Variants in COL17A1 observed in about 807,000 individuals in gnomAD.
The protein encoded by COL17A1 is collagen alpha-1(XVII) chain.
Under a neutral mutation model 218.4 loss-of-function variants are expected in COL17A1, and 181 were observed. The ratio of observed to expected loss-of-function variants is 0.83; its 90% CI spans 0.73 to 0.94. The LOEUF (loss-of-function observed/expected upper bound fraction) is 0.94. Ranked by LOEUF, COL17A1 falls within the 40% of genes least tolerant of loss-of-function variation. The pLI, the probability that COL17A1 is intolerant of heterozygous loss-of-function variation, is 0.00. For missense variants in COL17A1, 1,924 were observed against 1,945.9 expected (o/e 0.99, Z 0.21); for synonymous variants, 721 against 731.0 (o/e 0.99, Z 0.22).
chr10:104,075,047 C>G (rs886531148), intron 5 of COL17A1, among the ~76,000 whole-genome samples: 1 of 152,162 alleles, frequency 6.6e-6, no homozygotes, highest in Non-Finnish European at 1.5e-5. Flanking sequence ...CCTGGTCTCC[C>G]CTTGTCCCTA....
At chr10:104,038,635 G>A (rs1275664689) in intron 44 of COL17A1, 107 bp from the exon 45 acceptor site, 9 of 1,395,884 alleles carry the variant, frequency 6.4e-6, no homozygotes, top group African/African-American at 1.4e-5. Flanking sequence ...TTCTCAGGAG[G>A]AGAAATAGGA....
intron 9 of COL17A1, among the ~76,000 whole-genome samples, chr10:104,066,323 C>T (rs1385479181): frequency 6.6e-6 from 1 of 152,164 alleles, no homozygotes; most frequent in Non-Finnish European, 1.5e-5. Context: ...GAAAATGCTG[C>T]AGGTTTTTAA....
chr10:104,048,170 T>C lies in COL17A1; in HGVS notation c.2228-66A>G, dbSNP rs79924817. 1.4e-3 allele frequency: 2,216 copies of C among 1,564,964 alleles called. 17 individuals are homozygous for C. The African/African-American group carries it at 0.017, about 12-fold the overall frequency. ...TGATTTCTGCGATTCCTCCCTCTAC[T>C]GTCCCAGTGGCCTTGAAGCACATTG... is the stretch of plus-strand genomic sequence containing the variant. On this transcript the variant is annotated intron_variant, in intron 29 of 55. Transcript: ENST00000648076.
At chr10:104,050,703 A>C in intron 26 of COL17A1, 47 bp from the exon 27 acceptor site, 1 of 1,614,222 alleles carries the variant, frequency 6.2e-7, no homozygotes, top group South Asian at 1.1e-5. Flanking sequence ...TACAAGGGAC[A>C]ACCAGGAAGG....
Position 104,041,364 on chromosome 10 carries a change from AG to A in COL17A1, c.2606-21del. On this transcript the variant is annotated intron_variant, in intron 37 of 55. Transcript: ENST00000648076. ...AAGGCCCTGCAGAAGAGAGCAAGGA[AG>A]AGGCCATGCTGAGCTCAGGGAGCTG... 6.2e-7 allele frequency: 1 copy of A among 1,609,720 alleles called. No individual in the cohort carries two copies. The highest frequency in any genetic ancestry group is 1.1e-5 in the South Asian group (1 of 90,550).
intron 33 of COL17A1, 73 bp downstream of exon 33, chr10:104,045,685 C>G: frequency 7.9e-7 from 1 of 1,267,742 alleles, no homozygotes; most frequent in Non-Finnish European, 1.2e-6. Context: ...AGAGAGGCCT[C>G]CTCCTGTCCA....
intron 16 of COL17A1, among the ~76,000 whole-genome samples, chr10:104,057,537 C>G (rs1424698642): frequency 6.7e-6 from 1 of 149,240 alleles, no homozygotes; most frequent in African/African-American, 2.4e-5. Flanking sequence ...GCTTAAACAT[C>G]TTTATTTTGA....
intron 9 of COL17A1, among the ~76,000 whole-genome samples, chr10:104,068,949 A>G (rs1409327367): frequency 1.3e-5 from 2 of 152,256 alleles, no homozygotes; most frequent in Admixed American, 6.5e-5. Flanking sequence ...AAGCAAACCC[A>G]TAATGAGAAA....
intron 15 of COL17A1, among the ~76,000 whole-genome samples, chr10:104,058,613 T>C (rs2086553642): frequency 6.6e-6 from 1 of 152,140 alleles, no homozygotes; most frequent in Admixed American, 6.5e-5. Flanking sequence ...AGGAGGATTG[T>C]TCCTGAGTCC....
At chr10:104,033,875 A>C (rs2086241724) in intron 52 of COL17A1, 70 bp downstream of exon 52, 1 of 1,607,330 alleles carries the variant, frequency 6.2e-7, no homozygotes, top group African/African-American at 1.3e-5. Context: ...TTCCACAAAC[A>C]AGAAAGCCAG....
At chr10:104,075,227 G>A (rs1367846135) in intron 5 of COL17A1, among the ~76,000 whole-genome samples, 3 of 151,618 alleles carry the variant, frequency 2.0e-5, no homozygotes, top group African/African-American at 7.3e-5. Context: ...GGGTATCTGG[G>A]CCCTGACTTC....
chr10:104,061,547 C>T (rs2086583185), intron 12 of COL17A1, 74 bp from the exon 13 acceptor site: 14 of 1,292,336 alleles, frequency 1.1e-5, no homozygotes, highest in East Asian at 2.4e-5. Context: ...TCAGCCCTGG[C>T]AGAGAGGTAC....
At position 104,046,791 on chromosome 10, in the gene COL17A1, C is replaced by T. The variant is rs376973452; in HGVS notation, c.2336-18G>A. On this transcript the variant is annotated intron_variant, in intron 31 of 55. Coordinates refer to ENST00000648076, the MANE Select transcript of COL17A1 (RefSeq NM_000494.4). ...TGTGAGACCTGCAGAAAATCAGACACAAGAGGGAAGAGTTGAAGGGTGGAG... is the reference window on the plus strand; with the variant it reads ...TGTGAGACCTGCAGAAAATCAGACATAAGAGGGAAGAGTTGAAGGGTGGAG... 183 of 1,613,328 alleles carry T rather than the reference C, an allele frequency of 1.1e-4. No homozygotes were observed. The highest frequency in any genetic ancestry group is 1.5e-4 in the Non-Finnish European group (172 of 1,179,686).
At chr10:104,039,195 T>A in intron 43 of COL17A1, 74 bp from the exon 44 acceptor site, 2 of 1,431,444 alleles carry the variant, frequency 1.4e-6, no homozygotes, top group Non-Finnish European at 9.9e-7. Flanking sequence ...CCACACTTAT[T>A]AGTGTGTGTC....
At chr10:104,033,736 C>T (rs554599158) in intron 52 of COL17A1, among the ~76,000 whole-genome samples, 5 of 152,316 alleles carry the variant, frequency 3.3e-5, no homozygotes, top group East Asian at 3.9e-4. Flanking sequence ...AAGCCCCCAG[C>T]GTGCTCTGTT....
chr10:104,051,399 T>C (rs546576092), intron 25 of COL17A1, 82 bp downstream of exon 25: 1 of 1,544,676 alleles, frequency 6.5e-7, no homozygotes, highest in Non-Finnish European at 8.9e-7. Context: ...CTTCTTTGGC[T>C]TTAAAAATAT....
chr10:104,076,505 T>A, intron 4 of COL17A1, 76 bp from the exon 5 acceptor site: 1 of 1,603,268 alleles, frequency 6.2e-7, no homozygotes, highest in Non-Finnish European at 8.5e-7. Context: ...GACCCAGCTA[T>A]ATTAACCAAG....
chr10:104,061,557 C>A (rs1203868119), intron 12 of COL17A1, 84 bp from the exon 13 acceptor site: 2 of 1,123,386 alleles, frequency 1.8e-6, no homozygotes, highest in African/African-American at 1.5e-5. Flanking sequence ...CAGAGAGGTA[C>A]CCCCGACCCT....
chr10:104,056,937 C>T, intron 17 of COL17A1, 38 bp downstream of exon 17: 2 of 1,552,678 alleles, frequency 1.3e-6, no homozygotes, highest in Non-Finnish European at 8.7e-7. Context: ...TGGCCTGCCT[C>T]CTACCACACA....
Sources: allele counts gnomAD v4.1 joint callset (sites outside exome capture counted in the v4.1 genomes callset), GRCh38; gene constraint gnomAD v4.1.1; transcripts MANE v1.5; gene names NCBI Gene and HGNC (gene_info 2026-07-23, HGNC 2026-07-21).